IL1RAP: variants seen among roughly 807,000 people sequenced by gnomAD.
IL1RAP encodes interleukin-1 receptor accessory protein.
A neutral mutation model predicts 60.7 loss-of-function variants in IL1RAP; 35 were observed. The observed-to-expected ratio is 0.58, with a 90% CI of 0.44 to 0.76. The LOEUF (loss-of-function observed/expected upper bound fraction) is 0.76. Among genes scored for constraint, IL1RAP ranks in the 30% least tolerant of loss-of-function variants. The pLI is 0.00. For synonymous variants in IL1RAP, 268 were observed against 250.9 expected (o/e 1.07, Z -0.64); for missense variants, 572 against 693.9 (o/e 0.82, Z 1.97).
At chr3:190,644,858 A>G (rs9874699) in intron 10 of IL1RAP, among the ~76,000 whole-genome samples, 2,603 of 152,250 alleles carry the variant, frequency 0.017, 67 homozygotes, top group African/African-American at 0.06. Flanking sequence ...CTCAATTCAA[A>G]CCAGCCACAT....
Position 190,609,139 on chromosome 3 carries a change from A to C in IL1RAP, c.495A>C (p.Gly165=). Residue 165 remains glycine, a synonymous_variant, in exon 5 of 12, where the codon GGA becomes GGC. Coordinates refer to ENST00000447382, the MANE Select transcript of IL1RAP (RefSeq NM_002182.4). ...IQRITCPNVD[G]YFPSSVKPTI... ...GGATCACTTGTCCAAATGTAGATGG[A>C]TATTTTCCTTCCAGTGTCAAACCGA... The C allele has an allele frequency of 6.2e-7, 1 of 1,612,470 alleles. No homozygotes were observed. Among genetic ancestry groups the C allele is most frequent in the Non-Finnish European group, 8.5e-7 (1 of 1,179,174 alleles).
chr3:190,596,484 A>C (rs1729390696), intron 3 of IL1RAP, among the ~76,000 whole-genome samples: 2 of 152,186 alleles, frequency 1.3e-5, no homozygotes, highest in South Asian at 4.1e-4. Context: ...GTTAAAACGT[A>C]TACCCTGCTA....
rs1317011035 is a variant in IL1RAP, at chr3:190,610,516, T to TA, written c.537+1342dup. Among the ~76,000 whole-genome samples the TA allele has an allele frequency of 2.0e-5, 3 of 151,640 alleles. No homozygotes were observed. In the East Asian group the frequency reaches 5.8e-4, roughly 29 times the overall value. ...GGTGAAAGGGAGAAAAAATTAAAATTAAAAAAATGACAAATACAATAAGAA... is the reference window on the plus strand; with the variant it reads ...GGTGAAAGGGAGAAAAAATTAAAATTAAAAAAAATGACAAATACAATAAGAA... On this transcript the variant is annotated intron_variant, in intron 5 of 11. Transcript: ENST00000447382.
chr3:190,658,466 A>G (rs1023599730), exon 12 of IL1RAP: 4 of 152,214 alleles, frequency 2.6e-5, no homozygotes, highest in African/African-American at 9.6e-5. Context: ...ACCCTCCATT[A>G]GAAAAGAAAA....
intron 1 of IL1RAP, among the ~76,000 whole-genome samples, chr3:190,519,724 C>T (rs1226637811): frequency 6.6e-6 from 1 of 152,154 alleles, no homozygotes; most frequent in African/African-American, 2.4e-5. Context: ...CTTTTAAATG[C>T]ATATAACATC....
intron 1 of IL1RAP, among the ~76,000 whole-genome samples, chr3:190,550,870 G>T (rs1724800912): frequency 6.6e-6 from 1 of 152,180 alleles, no homozygotes; most frequent in Admixed American, 6.5e-5. Flanking sequence ...TTGTTAAAAA[G>T]AAAAATCGTG....
chr3:190,556,544 G>A (rs1403956282), intron 2 of IL1RAP, among the ~76,000 whole-genome samples: 2 of 152,120 alleles, frequency 1.3e-5, no homozygotes, highest in African/African-American at 4.8e-5. Flanking sequence ...CCTGAGCCAC[G>A]ATTTTCCAAT....
chr3:190,585,865 G>A (rs1163483822), intron 3 of IL1RAP, among the ~76,000 whole-genome samples: 1 of 152,040 alleles, frequency 6.6e-6, no homozygotes, highest in Non-Finnish European at 1.5e-5. Flanking sequence ...AGTACCATTA[G>A]TGACTCTCAG....
At position 190,645,198 on chromosome 3, in the gene IL1RAP, A is replaced by G. The variant is rs781729954; in HGVS notation, c.1202-501A>G. On this transcript the variant is annotated intron_variant, in intron 10 of 11. Coordinates refer to ENST00000447382, the MANE Select transcript of IL1RAP (RefSeq NM_002182.4). ...GGCTTATGGAAGAAACACGGAATCG[A>G]TAGTTTTTAATGAGATGTGATTTTT... is the stretch of plus-strand genomic sequence containing the variant. Among the ~76,000 whole-genome samples the G allele has an allele frequency of 3.5e-4, 53 of 152,348 alleles. 1 individual carries two copies. The highest frequency in any genetic ancestry group is 3.4e-3 in the Middle Eastern group (1 of 294).
chr3:190,538,198 A>C (rs1044973663), intron 1 of IL1RAP, among the ~76,000 whole-genome samples: 1 of 152,134 alleles, frequency 6.6e-6, no homozygotes, highest in Non-Finnish European at 1.5e-5. Flanking sequence ...TATGCCTTAC[A>C]CTGTTGCTTC....
chr3:190,540,830 TAA>T (rs1723871274), intron 1 of IL1RAP, among the ~76,000 whole-genome samples: 1 of 152,100 alleles, frequency 6.6e-6, no homozygotes, highest in Non-Finnish European at 1.5e-5. Context: ...GGTAATCCAC[TAA>T]GAGATGGCAA....
chr3:190,577,703 T>A (rs370368705), intron 3 of IL1RAP, among the ~76,000 whole-genome samples: 2 of 152,204 alleles, frequency 1.3e-5, no homozygotes, highest in East Asian at 1.9e-4. Context: ...GCTAATTTTT[T>A]AATTTTTTTG....
chr3:190,533,901 C>T (rs1375411102), intron 1 of IL1RAP, among the ~76,000 whole-genome samples: 10 of 152,048 alleles, frequency 6.6e-5, no homozygotes, highest in South Asian at 2.1e-4. Flanking sequence ...TTCTTCTTGC[C>T]GTTTCAAAGG....
intron 1 of IL1RAP, among the ~76,000 whole-genome samples, chr3:190,523,835 C>G (rs1722286894): frequency 6.6e-6 from 1 of 152,148 alleles, no homozygotes; most frequent in Non-Finnish European, 1.5e-5. Context: ...CATACACATG[C>G]ATATGTCTTT....
At position 190,593,579 on chromosome 3, in the gene IL1RAP, A is replaced by G. The variant is rs1729124967; in HGVS notation, c.65-10549A>G. Among the ~76,000 whole-genome samples the G allele has an allele frequency of 2.0e-5, 3 of 152,182 alleles. No homozygotes were observed. The South Asian group carries it at 6.2e-4, about 31-fold the overall frequency. The stretch of plus-strand genomic sequence containing the variant: ...AGCCCTCACAATCATGGCAGAAGGC[A>G]AATGAGGAGCAAAGTCACGTCTTAC... On this transcript the variant is annotated intron_variant, in intron 3 of 11. Transcript: ENST00000447382.
chr3:190,621,519 A>G (rs1731778736), intron 6 of IL1RAP, among the ~76,000 whole-genome samples: 1 of 152,230 alleles, frequency 6.6e-6, no homozygotes, highest in Non-Finnish European at 1.5e-5. Flanking sequence ...GCTTAAAAGT[A>G]TGCATTTTGG....
At chr3:190,589,472 G>T (rs1728754255) in intron 3 of IL1RAP, among the ~76,000 whole-genome samples, 1 of 152,150 alleles carries the variant, frequency 6.6e-6, no homozygotes, top group African/African-American at 2.4e-5. Flanking sequence ...GATAGAATGA[G>T]ACTGCACCGG....
intron 1 of IL1RAP, among the ~76,000 whole-genome samples, chr3:190,525,885 G>A (rs1478775453): frequency 3.9e-5 from 6 of 152,144 alleles, no homozygotes; most frequent in Non-Finnish European, 8.8e-5. Context: ...GGTGTTTTAT[G>A]TAATCAATTC....
chr3:190,534,481 T>G (rs1723259344), intron 1 of IL1RAP, among the ~76,000 whole-genome samples: 1 of 152,178 alleles, frequency 6.6e-6, no homozygotes, highest in Admixed American at 6.5e-5. Flanking sequence ...TCCGATCCAG[T>G]GCTGCCTATA....
Sources: allele counts gnomAD v4.1 joint callset (sites outside exome capture counted in the v4.1 genomes callset), GRCh38; gene constraint gnomAD v4.1.1; transcripts MANE v1.5; gene names NCBI Gene and HGNC (gene_info 2026-07-23, HGNC 2026-07-21).